The following CEP85L variants were observed in gnomAD, a reference collection of about 807,000 sequenced individuals.
CEP85L encodes the protein centrosomal protein 85L.
CEP85L carries 60 observed loss-of-function variants against 100.3 expected under a neutral mutation model. That is an observed-to-expected ratio of 0.60 (90% confidence interval 0.49 to 0.74). The LOEUF is 0.74. CEP85L is among the 30% of genes least tolerant of loss of function. CEP85L has a pLI of 0.00. For synonymous variants in CEP85L, 319 were observed against 322.7 expected, an observed-to-expected ratio of 0.99 and a Z score of 0.12; for missense variants, 973 against 936.2, an observed-to-expected ratio of 1.04 and a Z score of -0.51.
intron 1 of CEP85L, among the ~76,000 whole-genome samples, chr6:118,665,476 A>C (rs1214561477): frequency 6.6e-6 from 1 of 151,918 alleles, no homozygotes; most frequent in Non-Finnish European, 1.5e-5. Flanking sequence ...CTCCTACCTC[A>C]GCCTCCCAAG....
intron 1 of CEP85L, among the ~76,000 whole-genome samples, chr6:118,692,908 G>A (rs1777093356): frequency 6.6e-6 from 1 of 152,128 alleles, no homozygotes; most frequent in Non-Finnish European, 1.5e-5. Flanking sequence ...TTACTTAGAA[G>A]CATGCCCAGC....
chr6:118,640,361 G>A (rs1424373629), intron 1 of CEP85L, among the ~76,000 whole-genome samples: 1 of 146,222 alleles, frequency 6.8e-6, no homozygotes, highest in Non-Finnish European at 1.5e-5. Flanking sequence ...GTGAAACCAG[G>A]CTACCTGGGT....
intron 3 of CEP85L, among the ~76,000 whole-genome samples, chr6:118,543,056 C>T (rs920733451): frequency 2.0e-5 from 3 of 152,060 alleles, no homozygotes; most frequent in Admixed American, 6.6e-5. Flanking sequence ...TTTCTTTAGC[C>T]TCTTTCTGCC....
chr6:118,567,239 GTGTGTGTGTGTATA>G (rs1206399665), intron 2 of CEP85L, among the ~76,000 whole-genome samples: 927 of 53,004 alleles, frequency 0.017, 2 homozygotes, highest in Middle Eastern at 0.031. Flanking sequence ...GTGTGTGTGT[GTGTGTGTGTGTATA>G]TATATATATA....
Position 118,511,416 on chromosome 6 carries a change from C to T in CEP85L, c.1140-1G>A, listed in dbSNP as rs1296986734. On this transcript the variant is annotated splice_acceptor_variant, in intron 4 of 12. Transcript: ENST00000368491. LOFTEE classifies it high-confidence loss of function. Reference sequence around the variant, plus strand: ...CAGGTGGGTAATTTGTTGCTTCTGCCTGCAAAACATAAATTAAGGTCACAT... The same window carrying T: ...CAGGTGGGTAATTTGTTGCTTCTGCTTGCAAAACATAAATTAAGGTCACAT... The T allele has an allele frequency of 6.3e-7, 1 of 1,587,490 alleles. No homozygotes were observed. Among genetic ancestry groups the T allele is most frequent in the Admixed American group, 1.7e-5 (1 of 59,774 alleles).
At chr6:118,556,215 A>C (rs953897958) in intron 3 of CEP85L, among the ~76,000 whole-genome samples, 1 of 152,162 alleles carries the variant, frequency 6.6e-6, no homozygotes, top group East Asian at 1.9e-4. Context: ...ATAAGCTGCT[A>C]TTTTCTAAGT....
At chr6:118,475,341 G>A (rs1773275300) in intron 10 of CEP85L, among the ~76,000 whole-genome samples, 2 of 144,484 alleles carry the variant, frequency 1.4e-5, no homozygotes, top group African/African-American at 2.5e-5. Context: ...GTGAATTGTA[G>A]GTGACATTTT....
upstream of CEP85L, among the ~76,000 whole-genome samples, chr6:118,654,360 T>C (rs1775703397): frequency 6.6e-6 from 1 of 152,058 alleles, no homozygotes; most frequent in Non-Finnish European, 1.5e-5. Flanking sequence ...TACAAAAATA[T>C]AAAATATATA....
intron 5 of CEP85L, among the ~76,000 whole-genome samples, chr6:118,503,966 T>C (rs1775478907): frequency 6.6e-6 from 1 of 151,816 alleles, no homozygotes; most frequent in Admixed American, 6.6e-5. Flanking sequence ...ACTTTTTCCC[T>C]CCAAAAAACA....
chr6:118,521,071 A>C (rs1328781930), intron 4 of CEP85L, among the ~76,000 whole-genome samples: 2 of 152,196 alleles, frequency 1.3e-5, no homozygotes, highest in Non-Finnish European at 2.9e-5. Flanking sequence ...TTCAGAAGTA[A>C]TATACAACAT....
chr6:118,540,329 C>A (rs560403962), intron 3 of CEP85L, among the ~76,000 whole-genome samples: 6 of 152,216 alleles, frequency 3.9e-5, no homozygotes, highest in Admixed American at 2.0e-4. Context: ...TAACTACTGA[C>A]TGATATGAAA....
chr6:118,563,542 C>A (rs1023757289), intron 3 of CEP85L, among the ~76,000 whole-genome samples: 1 of 152,142 alleles, frequency 6.6e-6, no homozygotes, highest in Non-Finnish European at 1.5e-5. Flanking sequence ...ATTTATCAGA[C>A]GGCCTGGTCC....
At chr6:118,503,845 A>AAAG (rs1554208349) in intron 5 of CEP85L, among the ~76,000 whole-genome samples, 1 of 151,356 alleles carries the variant, frequency 6.6e-6, no homozygotes, top group Non-Finnish European at 1.5e-5. Context: ...AAAAAAAAAA[A>AAAG]AGGTAGAAAA....
At chr6:118,538,170 C>G (rs564783321) in intron 3 of CEP85L, among the ~76,000 whole-genome samples, 13 of 152,132 alleles carry the variant, frequency 8.5e-5, no homozygotes, top group African/African-American at 2.9e-4. Flanking sequence ...AAAAACCATT[C>G]TATCAGTCAC....
Position 118,531,904 on chromosome 6 carries a change from G to A in CEP85L, c.1021-7984C>T, listed in dbSNP as rs368353760. Among the ~76,000 whole-genome samples the A allele has an allele frequency of 6.6e-5, 10 of 152,240 alleles. No homozygotes were observed. The East Asian group carries it at 1.7e-3, about 26-fold the overall frequency. The stretch of plus-strand genomic sequence containing the variant: ...AAAAGGGAACACTTATACAGTGTTG[G>A]CAGGATAAATTAGTTCAGCTACTGT... On this transcript the variant is annotated intron_variant, in intron 3 of 12. Coordinates refer to ENST00000368491, the MANE Select transcript of CEP85L (RefSeq NM_001042475.3).
rs559075264 is a variant in CEP85L at position 118,646,271 on chromosome 6, C to T, written c.73+4926G>A. ...TTATTTTTATGTTGATCATGCCCAT[C>T]CTTAAATGACCCTATACAATAAATT... On this transcript the variant is annotated intron_variant, in intron 1 of 12. Transcript: ENST00000368491. Among the ~76,000 whole-genome samples the T allele has an allele frequency of 3.3e-4, 25 of 75,518 alleles. 2 individuals are homozygous for T. In the South Asian group the frequency reaches 0.02, roughly 60 times the overall value. The allele number at this position is 75,518 out of a possible 152,430, so 49.5% of individuals were successfully genotyped here. A position where few individuals can be genotyped will look rare whatever the true frequency, so the allele number is the denominator to read the frequency against.
At chr6:118,489,477 T>C (rs933164977) in intron 6 of CEP85L, among the ~76,000 whole-genome samples, 2 of 152,132 alleles carry the variant, frequency 1.3e-5, no homozygotes, top group African/African-American at 2.4e-5. Flanking sequence ...CCAGGACACC[T>C]CATGTATAAC....
chr6:118,640,046 C>A (rs1400920851), intron 1 of CEP85L, among the ~76,000 whole-genome samples: 1 of 152,062 alleles, frequency 6.6e-6, no homozygotes, highest in Non-Finnish European at 1.5e-5. Flanking sequence ...TGATGGCCAA[C>A]ATTCCTAACA....
chr6:118,499,380 T>C (rs1775127361), intron 5 of CEP85L, among the ~76,000 whole-genome samples: 1 of 152,134 alleles, frequency 6.6e-6, no homozygotes, highest in African/African-American at 2.4e-5. Flanking sequence ...GATTAAAAAC[T>C]CTTGGCCAGG....
Sources: allele counts gnomAD v4.1 joint callset (sites outside exome capture counted in the v4.1 genomes callset), GRCh38; gene constraint gnomAD v4.1.1; transcripts MANE v1.5; gene names NCBI Gene and HGNC (gene_info 2026-07-23, HGNC 2026-07-21).